The following NAP1L4 variants were observed in gnomAD, a reference collection of about 807,000 sequenced individuals.
The protein encoded by NAP1L4 is nucleosome assembly protein 1 like 4, also known as nucleosome assembly protein 1-like 4.
Under a neutral mutation model 58.2 loss-of-function variants are expected in NAP1L4, and 15 were observed. The ratio of observed to expected loss-of-function variants is 0.26; its 90% CI spans 0.17 to 0.40. NAP1L4 has a LOEUF of 0.40. Among genes scored for constraint, NAP1L4 ranks in the 10% least tolerant of loss-of-function variants. The probability of loss-of-function intolerance (pLI) is 1.00; values close to 1 mark genes in which losing one functional copy is unlikely to be tolerated. For synonymous variants in NAP1L4, 171 were observed against 155.6 expected (o/e 1.10, Z -0.74); for missense variants, 384 against 451.1 (o/e 0.85, Z 1.35).
intron 1 of NAP1L4, 38 bp from the exon 2 acceptor site, chr11:2,979,275 A>T (rs1235912193): frequency 1.3e-6 from 2 of 1,540,746 alleles, no homozygotes; most frequent in Non-Finnish European, 1.8e-6. Flanking sequence ...TATATTCATA[A>T]GCAAAAATGT....
At chr11:2,947,109 T>G (rs912682104) in intron 15 of NAP1L4, among the ~76,000 whole-genome samples, 1 of 152,196 alleles carries the variant, frequency 6.6e-6, no homozygotes, top group Non-Finnish European at 1.5e-5. Context: ...CTTTATAATT[T>G]ATCCTACCAC....
At chr11:2,970,102 C>T (rs1277427395) in intron 6 of NAP1L4, among the ~76,000 whole-genome samples, 168 bp from the exon 7 acceptor site, 1 of 152,218 alleles carries the variant, frequency 6.6e-6, no homozygotes, top group African/African-American at 2.4e-5. Flanking sequence ...TTTTCAGATG[C>T]TTCTGAGGAA....
chr11:2,953,275 T>C (rs903197482), intron 12 of NAP1L4, among the ~76,000 whole-genome samples: 2 of 152,226 alleles, frequency 1.3e-5, no homozygotes, highest in Non-Finnish European at 2.9e-5. Context: ...AGTAAGCAAA[T>C]AGCACACATG....
rs1170927120 is a variant in NAP1L4, at chr11:2,970,081, C to T, written c.403-147G>A. On this transcript the variant is annotated intron_variant, in intron 6 of 15. Transcript: ENST00000380542. ...CTGCACCTCCAAACCACTCACTGGG[C>T]CACGCGACACTTTTCAGATGCTTCT... 8 of 696,848 alleles carry T rather than the reference C, an allele frequency of 1.1e-5. No homozygotes were observed. The Admixed American group carries it at 2.3e-4, about 20-fold the overall frequency. The allele number at this position is 696,848 out of a possible 1,614,324, so 43.2% of individuals were successfully genotyped here. A position where few individuals can be genotyped will look rare whatever the true frequency, so the allele number is the denominator to read the frequency against.
chr11:2,977,240 C>A lies in NAP1L4; in HGVS notation c.73+1044G>T, dbSNP rs752086072. ...AAGAGGAAGAGGATATCTACACGTG[C>A]CTGACAGATTGCTTCCAAGGTGAAA... On this transcript the variant is annotated intron_variant, in intron 3 of 15. Transcript: ENST00000380542. Among the ~76,000 whole-genome samples the A allele has an allele frequency of 2.8e-4, 43 of 152,212 alleles. 1 individual carries two copies. The highest frequency in any genetic ancestry group is 5.1e-4 in the Non-Finnish European group (35 of 68,040).
At chr11:2,979,677 C>T (rs564970580) in intron 1 of NAP1L4, among the ~76,000 whole-genome samples, 108 of 152,084 alleles carry the variant, frequency 7.1e-4, no homozygotes, top group African/African-American at 2.5e-3. Context: ...GAGGCTGAGG[C>T]AGAAGAATCA....
chr11:2,960,389 T>G, intron 8 of NAP1L4, among the ~76,000 whole-genome samples: 1 of 151,440 alleles, frequency 6.6e-6, no homozygotes, highest in South Asian at 2.1e-4. Flanking sequence ...TCCCGGGAGG[T>G]GGGTGGGAGA....
At chr11:2,945,727 A>C in intron 15 of NAP1L4, 81 bp from the exon 16 acceptor site, 1 of 1,143,614 alleles carries the variant, frequency 8.7e-7, no homozygotes, top group Non-Finnish European at 1.2e-6. Context: ...ATGAAAGCCA[A>C]GACTGAATGA....
intron 8 of NAP1L4, among the ~76,000 whole-genome samples, chr11:2,962,112 C>T (rs768229749): frequency 4.8e-5 from 4 of 83,216 alleles, no homozygotes; most frequent in Non-Finnish European, 9.4e-5. Flanking sequence ...CCCAACTGAA[C>T]GACCTTTGGG....
chr11:2,945,577 A>G lies in NAP1L4; in HGVS notation c.*102T>C, dbSNP rs574872983. The G allele has an allele frequency of 3.3e-6, 5 of 1,534,680 alleles. No homozygotes were observed. The highest frequency in any genetic ancestry group is 4.4e-6 in the Non-Finnish European group (5 of 1,145,706). Reference sequence around the variant, plus strand: ...CCGCCCACAGGCCTGGAGTCCCGACAGCCGGTCTGCCAGGCACCCGCCTCC... The same window carrying G: ...CCGCCCACAGGCCTGGAGTCCCGACGGCCGGTCTGCCAGGCACCCGCCTCC... On this transcript the variant is annotated 3_prime_UTR_variant, in exon 16 of 16. Transcript: ENST00000380542.
At chr11:2,970,323 C>T (rs1259107169) in intron 6 of NAP1L4, among the ~76,000 whole-genome samples, 1 of 151,992 alleles carries the variant, frequency 6.6e-6, no homozygotes, top group Non-Finnish European at 1.5e-5. Context: ...ATATGCAGAA[C>T]ATCTAGCACT....
At chr11:2,958,299 G>A (rs972367386) in intron 10 of NAP1L4, 100 bp downstream of exon 10, 1 of 1,292,708 alleles carries the variant, frequency 7.7e-7, no homozygotes, top group African/African-American at 1.5e-5. Context: ...ACACTTGCCT[G>A]AAAAAAGAGG....
intron 8 of NAP1L4, among the ~76,000 whole-genome samples, chr11:2,960,752 G>T (rs769667769): frequency 6.6e-6 from 1 of 152,156 alleles, no homozygotes; most frequent in African/African-American, 2.4e-5. Context: ...CTATTTTGAG[G>T]AATTTGTTCT....
chr11:2,976,017 C>T lies in NAP1L4; in HGVS notation c.173+7G>A. The stretch of plus-strand genomic sequence containing the variant: ...ATTGCATGAGACCCTATTCACAGCA[C>T]ACTTACGTTTCGATGTAGCTGGAAG... On this transcript the variant is annotated splice_region_variant and intron_variant, in intron 4 of 15. Transcript: ENST00000380542. 6.2e-7 allele frequency: 1 copy of T among 1,607,852 alleles called. No individual in the cohort carries two copies. Among genetic ancestry groups the T allele is most frequent in the Non-Finnish European group, 8.5e-7 (1 of 1,177,596 alleles).
chr11:2,945,700 A>T, intron 15 of NAP1L4, 54 bp from the exon 16 acceptor site: 1 of 1,410,442 alleles, frequency 7.1e-7, no homozygotes, highest in Non-Finnish European at 9.6e-7. Context: ...CCATTCACCA[A>T]TTAGCTCCAA....
intron 7 of NAP1L4, among the ~76,000 whole-genome samples, chr11:2,965,650 C>T (rs1303353834): frequency 6.6e-6 from 1 of 152,170 alleles, no homozygotes; most frequent in African/African-American, 2.4e-5. Context: ...CGGATTCAGC[C>T]TCCCGAGCAG....
In NAP1L4 at chr11:2,951,306, C is replaced by T; in HGVS notation, c.1075G>A (p.Gly359Ser). The T allele has an allele frequency of 1.2e-6, 2 of 1,613,916 alleles. No homozygotes were observed. Among genetic ancestry groups the T allele is most frequent in the Non-Finnish European group, 1.7e-6 (2 of 1,179,860 alleles). The change falls in exon 14 of 16, where the codon GGT becomes AGT. Residue 359 changes from glycine (G) to serine (S), a missense_variant. Coordinates refer to ENST00000380542, the MANE Select transcript of NAP1L4 (RefSeq NM_005969.4). The surrounding 1 kb of genome is among the most constrained non-coding windows in gnomAD (Gnocchi z 4.0). ...GEEGEEEELE[G>S]DEEGEDEDDA... ...TCCTCGTCTTCTCCCTCCTCGTCAC[C>T]TTCTAATTCCTGTATTTAAAAAGTG...
chr11:2,974,668 G>A (rs1183810727), intron 4 of NAP1L4, among the ~76,000 whole-genome samples: 2 of 152,076 alleles, frequency 1.3e-5, no homozygotes, highest in Non-Finnish European at 2.9e-5. Flanking sequence ...GGCCAAGGTG[G>A]GCAGATCACC....
chr11:2,971,117 T>A lies in NAP1L4; in HGVS notation c.402+331A>T, dbSNP rs1847615647. On this transcript the variant is annotated intron_variant, in intron 6 of 15. Coordinates refer to ENST00000380542, the MANE Select transcript of NAP1L4 (RefSeq NM_005969.4). The surrounding 1 kb of genome is among the most constrained non-coding windows in gnomAD (Gnocchi z 4.2). ...AGCAGGAAGGCACTCCCCTCACAAC[T>A]CCCCCAATCTTCCAGTGACTGAGAA... 6.6e-6 allele frequency among the ~76,000 whole-genome samples: 1 copy of A among 152,104 alleles called. No individual in the cohort carries two copies. Among genetic ancestry groups the A allele is most frequent in the African/African-American group, 2.4e-5 (1 of 41,418 alleles).
Sources: allele counts gnomAD v4.1 joint callset (sites outside exome capture counted in the v4.1 genomes callset), GRCh38; gene constraint gnomAD v4.1.1; non-coding constraint Gnocchi (gnomAD v3.1); transcripts MANE v1.5; gene names NCBI Gene and HGNC (gene_info 2026-07-23, HGNC 2026-07-21).